Variants in PKD1L1 observed in about 807,000 individuals in gnomAD.
The protein encoded by PKD1L1 is polycystin 1 like 1, transient receptor potential channel interacting.
PKD1L1 carries 236 observed loss-of-function variants against 323.4 expected under a neutral mutation model. The observed-to-expected ratio is 0.73, with a 90% CI of 0.66 to 0.81. PKD1L1 has a LOEUF of 0.81. Among genes scored for constraint, PKD1L1 ranks in the 40% least tolerant of loss-of-function variants. The pLI is 0.00. For synonymous variants in PKD1L1, 1,344 were observed against 1,335.0 expected (o/e 1.01, Z -0.15); for missense variants, 3,320 against 3,508.0 (o/e 0.95, Z 1.35).
At chr7:47,814,660 C>G (rs189064544) in intron 47 of PKD1L1, among the ~76,000 whole-genome samples, 2 of 152,262 alleles carry the variant, frequency 1.3e-5, no homozygotes, top group Admixed American at 1.3e-4. Context: ...ATTATAGGCA[C>G]GCGCCACCAC....
At chr7:47,940,391 A>C in intron 2 of PKD1L1, 74 bp from the exon 3 acceptor site, 1 of 1,525,248 alleles carries the variant, frequency 6.6e-7, no homozygotes, top group African/African-American at 1.4e-5. Context: ...AAGCTGGAGA[A>C]GCCCTAAGTT....
chr7:47,836,780 TG>T, intron 37 of PKD1L1, 140 bp downstream of exon 37: 1 of 1,069,002 alleles, frequency 9.4e-7, no homozygotes, highest in Non-Finnish European at 1.3e-6. Context: ...GTTCCTTCTC[TG>T]GTCCCCAGGC....
intron 14 of PKD1L1, among the ~76,000 whole-genome samples, chr7:47,895,712 G>A (rs1386997704): frequency 6.6e-6 from 1 of 152,158 alleles, no homozygotes; most frequent in African/African-American, 2.4e-5. Context: ...GGGACATGAA[G>A]GCACTTAAAT....
At chr7:47,917,925 C>A (rs1339372492) in intron 7 of PKD1L1, among the ~76,000 whole-genome samples, 1 of 151,904 alleles carries the variant, frequency 6.6e-6, no homozygotes, top group Non-Finnish European at 1.5e-5. Flanking sequence ...AAACCCAAAA[C>A]CAATAACTAA....
chr7:47,850,034 G>T (rs1003344779), intron 31 of PKD1L1, among the ~76,000 whole-genome samples: 2 of 152,152 alleles, frequency 1.3e-5, no homozygotes, highest in African/African-American at 4.8e-5. Flanking sequence ...GGATGAGGGG[G>T]TGAGAGATAA....
At chr7:47,853,272 C>A in intron 30 of PKD1L1, 45 bp from the exon 31 acceptor site, 1 of 1,361,600 alleles carries the variant, frequency 7.3e-7, no homozygotes, top group South Asian at 1.2e-5. Flanking sequence ...TTTTTCTTCT[C>A]TCTCAAAGGT....
intron 46 of PKD1L1, 150 bp downstream of exon 46, chr7:47,820,926 G>A (rs1198094895): frequency 9.2e-5 from 52 of 568,142 alleles, no homozygotes; most frequent in Non-Finnish European, 1.6e-4. Context: ...TCCAAAGTCT[G>A]TGAATGGAAG....
intron 46 of PKD1L1, chr7:47,819,900 C>T (rs1215249999): frequency 2.4e-5 from 6 of 247,384 alleles, no homozygotes; most frequent in Admixed American, 6.2e-5. Flanking sequence ...AAAGTATTTA[C>T]GTCAAATTGA....
chr7:47,864,188 T>G (rs1049194619), intron 26 of PKD1L1, among the ~76,000 whole-genome samples: 3 of 152,106 alleles, frequency 2.0e-5, no homozygotes, highest in Admixed American at 2.0e-4. Flanking sequence ...TCACTCAGAT[T>G]GAGATGAGGG....
chr7:47,792,700 G>C lies in PKD1L1; in HGVS notation c.8453C>G (p.Thr2818Arg), dbSNP rs766453899. Residue 2818 changes from threonine (T) to arginine (R), a missense_variant, in exon 56 of 57, where the codon ACA becomes AGA. Coordinates refer to ENST00000289672, the MANE Select transcript of PKD1L1 (RefSeq NM_138295.5). ...DSLQLPLLEK[T>R]SNNTGEARTE... ...CCTTGCCTCCCCTGTGTTGTTGGATGTTTTTTCCAGAAGGGGGAGTTGTAG... is the reference window on the plus strand; with the variant it reads ...CCTTGCCTCCCCTGTGTTGTTGGATCTTTTTTCCAGAAGGGGGAGTTGTAG... The C allele has an allele frequency of 4.3e-6, 7 of 1,614,080 alleles. No homozygotes were observed. In the East Asian group the frequency reaches 1.3e-4, roughly 31 times the overall value.
At chr7:47,854,597 G>A (rs1314981893) in intron 30 of PKD1L1, among the ~76,000 whole-genome samples, 1 of 152,002 alleles carries the variant, frequency 6.6e-6, no homozygotes, top group Non-Finnish European at 1.5e-5. Context: ...ATCTTGCTCA[G>A]ACCTATACTG....
At chr7:47,926,137 C>T (rs1420708461) in intron 7 of PKD1L1, among the ~76,000 whole-genome samples, 1 of 152,226 alleles carries the variant, frequency 6.6e-6, no homozygotes, top group African/African-American at 2.4e-5. Context: ...TTAACTGAGT[C>T]TGGCACCTTT....
intron 21 of PKD1L1, among the ~76,000 whole-genome samples, chr7:47,878,300 C>A (rs1459878099): frequency 6.6e-6 from 1 of 152,158 alleles, no homozygotes; most frequent in Non-Finnish European, 1.5e-5. Context: ...AATGATTAAA[C>A]ATTTTGCTTA....
At chr7:47,834,770 GT>G (rs2128736295) in intron 39 of PKD1L1, among the ~76,000 whole-genome samples, 196 bp downstream of exon 39, 1 of 152,246 alleles carries the variant, frequency 6.6e-6, no homozygotes, top group Non-Finnish European at 1.5e-5. Flanking sequence ...ATTTTATAAG[GT>G]TCATATAAAT....
At chr7:47,848,218 T>G (rs755464924) in intron 31 of PKD1L1, among the ~76,000 whole-genome samples, 4 of 152,110 alleles carry the variant, frequency 2.6e-5, no homozygotes, top group Non-Finnish European at 5.9e-5. Context: ...TATCTAGGAA[T>G]TAAACTTGAA....
intron 8 of PKD1L1, among the ~76,000 whole-genome samples, chr7:47,913,025 G>C (rs1340358060): frequency 6.6e-6 from 1 of 151,976 alleles, no homozygotes; most frequent in East Asian, 1.9e-4. Context: ...GTGGGCCTGA[G>C]AGTCTGTATT....
At chr7:47,850,168 T>C (rs962988194) in intron 31 of PKD1L1, among the ~76,000 whole-genome samples, 1 of 151,824 alleles carries the variant, frequency 6.6e-6, no homozygotes, top group Admixed American at 6.6e-5. Context: ...ACTACTGAAA[T>C]AAAATAAAAT....
At chr7:47,888,849 G>A (rs77568326) in intron 16 of PKD1L1, among the ~76,000 whole-genome samples, 8,001 of 152,150 alleles carry the variant, frequency 0.053, 542 homozygotes, top group African/African-American at 0.16. Context: ...ATAATATCTC[G>A]GGGGTGGTTT....
chr7:47,947,187 C>T (rs537166288), intron 1 of PKD1L1, among the ~76,000 whole-genome samples: 7 of 152,232 alleles, frequency 4.6e-5, no homozygotes, highest in African/African-American at 9.6e-5. Context: ...CCCGTCAACA[C>T]GTGCAGCCTC....
Sources: gnomAD v4.1 joint callset for allele counts (sites outside exome capture counted in the v4.1 genomes callset) on GRCh38, gnomAD v4.1.1 for gene constraint, MANE v1.5 for transcripts, NCBI Gene and HGNC (gene_info 2026-07-23, HGNC 2026-07-21) for gene names.